ADGRL1: variants seen among roughly 807,000 people sequenced by gnomAD.
ADGRL1 encodes the protein CIRL-1.
In ADGRL1, 31 loss-of-function variants were observed where a neutral mutation model predicts 148.9. The observed-to-expected ratio is 0.21, with a 90% confidence interval of 0.16 to 0.28. ADGRL1 has a LOEUF of 0.28. ADGRL1 is among the 10% of genes least tolerant of loss of function. The pLI, the probability that ADGRL1 is intolerant of heterozygous loss-of-function variation, is 1.00. For missense variants in ADGRL1, 1,521 were observed against 2,058.8 expected, an observed-to-expected ratio of 0.74 and a Z score of 5.05; for synonymous variants, 937 against 900.3, an observed-to-expected ratio of 1.04 and a Z score of -0.73.
chr19:14,201,039 T>G (rs1156565658), intron 1 of ADGRL1, among the ~76,000 whole-genome samples: 1 of 152,182 alleles, frequency 6.6e-6, no homozygotes, highest in Non-Finnish European at 1.5e-5. Context: ...GAGGTGTCAC[T>G]GACATCCATC....
At chr19:14,175,179 A>G (rs1970735949) in intron 3 of ADGRL1, among the ~76,000 whole-genome samples, 1 of 152,132 alleles carries the variant, frequency 6.6e-6, no homozygotes, top group Non-Finnish European at 1.5e-5. Context: ...TCAGCTCTAC[A>G]TGGACTGACT....
chr19:14,202,605 A>G (rs374713032), intron 1 of ADGRL1, among the ~76,000 whole-genome samples: 1 of 152,174 alleles, frequency 6.6e-6, no homozygotes, highest in African/African-American at 2.4e-5. Flanking sequence ...TGTGAGCTCC[A>G]TGAGGACAGG....
At chr19:14,183,766 G>A (rs1486920495) in intron 1 of ADGRL1, 69 bp from the exon 2 acceptor site, 1 of 624,236 alleles carries the variant, frequency 1.6e-6, no homozygotes, top group African/African-American at 1.9e-5. Context: ...TCCTGCTGGT[G>A]GCTGAGTAGC....
chr19:14,178,451 G>A (rs1970967658), intron 2 of ADGRL1, among the ~76,000 whole-genome samples: 1 of 152,016 alleles, frequency 6.6e-6, no homozygotes, highest in African/African-American at 2.4e-5. Flanking sequence ...GCTCCAGTAA[G>A]CCATGATTGT....
chr19:14,151,070 G>GGGGGGGGGGGGGGGGGGGGC lies in ADGRL1; in HGVS notation c.4212_4213insGCCCCCCCCCCCCCCCCCCC (p.Pro1405AlafsTer130). The GGGGGGGGGGGGGGGGGGGGC allele has an allele frequency of 1.4e-6, 1 of 709,356 alleles. No individual in the cohort carries two copies. The highest frequency in any genetic ancestry group is 2.2e-6 in the Non-Finnish European group (1 of 459,030). 43.9% of individuals were successfully genotyped at this position (709,356 alleles called of 1,614,324 possible). On this transcript the variant is annotated frameshift_variant, in exon 23 of 23. Coordinates refer to ENST00000361434, the MANE Select transcript of ADGRL1 (RefSeq NM_014921.5). LOFTEE classifies it high-confidence loss of function. The stretch of plus-strand genomic sequence containing the variant: ...CCGGGGGGTGCGGGAGGGGGTGGGG[G>GGGGGGGGGGGGGGGGGGGGC]CAGGGCCTCACTGGGCCCCTCAGGG...
At chr19:14,196,001 C>G (rs1972236157) in intron 1 of ADGRL1, among the ~76,000 whole-genome samples, 1 of 152,112 alleles carries the variant, frequency 6.6e-6, no homozygotes, top group Non-Finnish European at 1.5e-5. Context: ...CCCGTCAGGT[C>G]CTGTGGCTAC....
intron 1 of ADGRL1, among the ~76,000 whole-genome samples, chr19:14,197,961 G>T (rs972597100): frequency 5.9e-5 from 9 of 152,174 alleles, no homozygotes; most frequent in African/African-American, 1.9e-4. Flanking sequence ...ACATGTAGGT[G>T]CAACTGTAGA....
In ADGRL1 at chr19:14,152,373, G is replaced by A; in HGVS notation, c.3585C>T (p.Tyr1195=). The A allele has an allele frequency of 6.2e-7, 1 of 1,602,086 alleles. No individual in the cohort carries two copies. Among genetic ancestry groups the A allele is most frequent in the South Asian group, 1.1e-5 (1 of 89,400 alleles). Residue 1195 remains tyrosine, a synonymous_variant, in exon 21 of 23, where the codon TAC becomes TAT. Coordinates refer to ENST00000361434, the MANE Select transcript of ADGRL1 (RefSeq NM_014921.5). This position sits in a 1 kb window ranked among gnomAD's most constrained non-coding sequence, Gnocchi z 6.1. The part of the protein sequence containing the change: ...VLQPRGGTSP[Y]NTLIAESVGF... ...CCACTGACTCGGCGATGAGGGTGTT[G>A]TAGGGACTGGTGCCCCCACGGGGCT...
At position 14,152,327 on chromosome 19, in the gene ADGRL1, G is replaced by C. The variant is rs758385140; in HGVS notation, c.3631C>G (p.Pro1211Ala). ...ESVGFNPSSP[P>A]VFNSPGSYRE... The stretch of plus-strand genomic sequence containing the variant: ...CTCTCACCTGGGGAGTTGAAGACAG[G>C]GGGCGAGGAGGGATTGAAGCCCACT... The change falls in exon 21 of 23, where the codon CCT becomes GCT. Residue 1211 changes from proline (P) to alanine (A), a missense_variant. Around this residue, in one of 8 missense-constraint regions of ADGRL1, gnomAD observed 390 missense variants for 375.0 expected, o/e 1.04. Transcript: ENST00000361434. This position sits in a 1 kb window ranked among gnomAD's most constrained non-coding sequence, Gnocchi z 6.1. 3 of 1,595,450 alleles carry C rather than the reference G, an allele frequency of 1.9e-6. No homozygotes were observed. The East Asian group carries it at 6.7e-5, about 36-fold the overall frequency.
At position 14,159,866 on chromosome 19, in the gene ADGRL1, G is replaced by A. The variant is rs550322479; in HGVS notation, c.1801-93C>T. On this transcript the variant is annotated intron_variant, in intron 8 of 22. Transcript: ENST00000361434. The surrounding 1 kb of genome is among the most constrained non-coding windows in gnomAD (Gnocchi z 6.0). Reference sequence around the variant, plus strand: ...ACATCTGGATAGCTCTCTCGTCTGCGGTTACCACTGACCCAGGGCTGGGCT... The same window carrying A: ...ACATCTGGATAGCTCTCTCGTCTGCAGTTACCACTGACCCAGGGCTGGGCT... 1.7e-4 allele frequency: 206 copies of A among 1,198,966 alleles called. 2 individuals carry two copies. The African/African-American group carries it at 2.2e-3, about 13-fold the overall frequency. The allele number at this position is 1,198,966 out of a possible 1,614,324, so 74.3% of individuals were successfully genotyped here. A position where few individuals can be genotyped will look rare whatever the true frequency, so the allele number is the denominator to read the frequency against.
chr19:14,188,953 T>C (rs1042932142), intron 1 of ADGRL1, among the ~76,000 whole-genome samples: 7 of 151,978 alleles, frequency 4.6e-5, no homozygotes, highest in African/African-American at 1.7e-4. Context: ...GGTTTCACCA[T>C]GTTGGCCAGG....
intron 2 of ADGRL1, among the ~76,000 whole-genome samples, chr19:14,182,835 C>T (rs1396506782): frequency 6.6e-6 from 1 of 152,202 alleles, no homozygotes; most frequent in Admixed American, 6.5e-5. Flanking sequence ...TCCCTTCAAC[C>T]TTTGGAGCTT....
At chr19:14,198,209 C>A (rs1025499117) in intron 1 of ADGRL1, among the ~76,000 whole-genome samples, 1 of 151,974 alleles carries the variant, frequency 6.6e-6, no homozygotes, top group African/African-American at 2.4e-5. Flanking sequence ...GCCTTGTGGA[C>A]CTCAGGGAGG....
rs562027833 is a variant in ADGRL1 at position 14,199,054 on chromosome 19, AG to A, written c.-96+6930del. Reference sequence around the variant, plus strand: ...CATCAGATGCTGGCAGGTAAGGGGCAGGGTAAGACCAGGAGACAGGGGCATG... The same window carrying A: ...CATCAGATGCTGGCAGGTAAGGGGCAGGTAAGACCAGGAGACAGGGGCATG... On this transcript the variant is annotated intron_variant, in intron 1 of 22. Coordinates refer to ENST00000361434, the MANE Select transcript of ADGRL1 (RefSeq NM_014921.5). 5.3e-5 allele frequency among the ~76,000 whole-genome samples: 8 copies of A among 152,334 alleles called. No homozygotes were observed. In the South Asian group the frequency reaches 1.5e-3, roughly 28 times the overall value.
chr19:14,168,129 G>A (rs548780269), intron 4 of ADGRL1, among the ~76,000 whole-genome samples: 18 of 145,646 alleles, frequency 1.2e-4, no homozygotes, highest in African/African-American at 3.5e-4. Flanking sequence ...TGCCCAGGCC[G>A]CTCCCCCTCT....
chr19:14,187,293 T>A (rs371027687), intron 1 of ADGRL1, among the ~76,000 whole-genome samples: 40 of 152,312 alleles, frequency 2.6e-4, no homozygotes, highest in South Asian at 1.9e-3. Flanking sequence ...GAGCTGAGAT[T>A]GTGCCATTGC....
chr19:14,199,284 A>G (rs1206883522), intron 1 of ADGRL1, among the ~76,000 whole-genome samples: 2 of 152,188 alleles, frequency 1.3e-5, no homozygotes, highest in Non-Finnish European at 2.9e-5. Context: ...AATTCCACAC[A>G]TCTTTTTTGG....
intron 1 of ADGRL1, among the ~76,000 whole-genome samples, chr19:14,196,543 C>A (rs549789497): frequency 7.2e-5 from 11 of 152,114 alleles, no homozygotes; most frequent in Non-Finnish European, 1.5e-4. Context: ...TCTCTTGAGC[C>A]CGGGTGGTGG....
rs1457272238 is a variant in ADGRL1, at chr19:14,151,110, G to T, written c.4173C>A (p.Ser1391=). ...ASGANLRDSP[S]YPDSSPEGPS... ...GCCCCTCAGGGCTGCTGTCCGGGTA[G>T]GAGGGTGAGTCCCGCAGGTTGGCCC... The change falls in exon 23 of 23, where the codon TCC becomes TCA. Residue 1391 remains serine (S), a synonymous_variant. Coordinates refer to ENST00000361434, the MANE Select transcript of ADGRL1 (RefSeq NM_014921.5). 4 of 1,559,054 alleles carry T rather than the reference G, an allele frequency of 2.6e-6. No homozygotes were observed. The South Asian group carries it at 3.6e-5, about 14-fold the overall frequency.
Sources: allele counts gnomAD v4.1 joint callset (sites outside exome capture counted in the v4.1 genomes callset), GRCh38; gene constraint gnomAD v4.1.1; regional missense constraint gnomAD v4.1.1; non-coding constraint Gnocchi (gnomAD v3.1); transcripts MANE v1.5; gene names NCBI Gene and HGNC (gene_info 2026-07-23, HGNC 2026-07-21).